ATF7IP: variants seen among roughly 807,000 people sequenced by gnomAD.
ATF7IP encodes the protein activating transcription factor 7 interacting protein.
Under a neutral mutation model 106.4 loss-of-function variants are expected in ATF7IP, and 23 were observed. The ratio of observed to expected loss-of-function variants is 0.22; its 90% CI spans 0.16 to 0.31. The LOEUF (loss-of-function observed/expected upper bound fraction) is 0.31, where lower values mean the gene tolerates loss of function less well. Ranked by LOEUF, ATF7IP falls within the 10% of genes least tolerant of loss-of-function variation. The probability of loss-of-function intolerance (pLI) is 1.00; values close to 1 mark genes in which losing one functional copy is unlikely to be tolerated. For missense variants in ATF7IP, 1,334 were observed against 1,524.3 expected (o/e 0.88, Z 2.08); for synonymous variants, 542 against 539.0 (o/e 1.01, Z -0.08).
At chr12:14,481,325 A>T (rs992032979) in intron 13 of ATF7IP, 140 bp downstream of exon 13, 3 of 709,482 alleles carry the variant, frequency 4.2e-6, no homozygotes, top group Non-Finnish European at 7.0e-6. Flanking sequence ...AGTTCAAGAG[A>T]TCTGTACTAC....
intron 10 of ATF7IP, among the ~76,000 whole-genome samples, chr12:14,471,064 T>G (rs1944023533): frequency 6.6e-6 from 1 of 152,202 alleles, no homozygotes; most frequent in Non-Finnish European, 1.5e-5. Context: ...AGTAATTTGT[T>G]TAATTTCGTA....
At chr12:14,460,396 A>G in intron 8 of ATF7IP, 99 bp from the exon 9 acceptor site, 1 of 1,176,442 alleles carries the variant, frequency 8.5e-7, no homozygotes, top group Non-Finnish European at 1.2e-6. Flanking sequence ...CAGTCTTTGC[A>G]ATGTATTACG....
chr12:14,372,881 A>T (rs1322186524), intron 1 of ATF7IP, among the ~76,000 whole-genome samples: 2 of 152,160 alleles, frequency 1.3e-5, no homozygotes, highest in African/African-American at 4.8e-5. Flanking sequence ...ACATTCTAAT[A>T]AGAAATTTGA....
intron 10 of ATF7IP, 54 bp downstream of exon 10, chr12:14,466,644 A>G (rs1943844693): frequency 1.5e-6 from 2 of 1,353,708 alleles, no homozygotes; most frequent in Non-Finnish European, 2.0e-6. Context: ...TCCACAGGAA[A>G]ATGAATTTTC....
At chr12:14,491,368 A>G (rs1360832990) in intron 13 of ATF7IP, among the ~76,000 whole-genome samples, 2 of 152,228 alleles carry the variant, frequency 1.3e-5, no homozygotes, top group African/African-American at 4.8e-5. Flanking sequence ...TCACCTTAAC[A>G]GGAATGTGTT....
chr12:14,488,049 T>C (rs575245774), intron 13 of ATF7IP, among the ~76,000 whole-genome samples: 3 of 152,078 alleles, frequency 2.0e-5, no homozygotes, highest in Admixed American at 6.6e-5. Context: ...TTTGTGGGTC[T>C]AATCATATTA....
rs1176022630 is a variant in ATF7IP at position 14,457,322 on chromosome 12, A to G, written c.2158+27A>G. The G allele has an allele frequency of 2.0e-6, 3 of 1,478,402 alleles. No homozygotes were observed. In the South Asian group the frequency reaches 3.6e-5, roughly 18 times the overall value. 91.6% of individuals were successfully genotyped at this position (1,478,402 alleles called of 1,614,324 possible). A position where few individuals can be genotyped will look rare whatever the true frequency, so the allele number is the denominator to read the frequency against. On this transcript the variant is annotated intron_variant, in intron 8 of 14. Coordinates refer to ENST00000261168, the MANE Select transcript of ATF7IP (RefSeq NM_018179.5). ...TAACTTTTTTTTTAAATACCAAAATACATTTTCTTAGGAATTAAAGGCTTT... is the reference window on the plus strand; with the variant it reads ...TAACTTTTTTTTTAAATACCAAAATGCATTTTCTTAGGAATTAAAGGCTTT...
chr12:14,496,231 G>A lies in ATF7IP; in HGVS notation c.3281G>A (p.Ser1094Asn), dbSNP rs770763118. Reference sequence around the variant, plus strand: ...CTGTAATTTTTTTGTTTGTTTGTAGGTGTTACAGTTCGAGTGCCTCAAACA... The same window carrying A: ...CTGTAATTTTTTTGTTTGTTTGTAGATGTTACAGTTCGAGTGCCTCAAACA... ...PAVRQVNPQN[S>N]VTVRVPQTTT... is the part of the protein sequence containing the mutation. Residue 1094 changes from serine to asparagine, a missense_variant and splice_region_variant, in exon 14 of 15, where the codon AGT (serine) becomes AAT (asparagine). Physicochemically the swap from Ser to Asn is conservative, Grantham distance 46. Around this residue, in one of 10 missense-constraint regions of ATF7IP, gnomAD observed 370 missense variants for 401.2 expected, o/e 0.92. Transcript: ENST00000261168. 1.3e-6 allele frequency: 2 copies of A among 1,596,320 alleles called. No homozygotes were observed. Among genetic ancestry groups the A allele is most frequent in the Middle Eastern group, 1.7e-4 (1 of 6,024 alleles).
At chr12:14,404,132 CT>C (rs11344521) in intron 1 of ATF7IP, among the ~76,000 whole-genome samples, 58,935 of 146,366 alleles carry the variant, frequency 0.4, 12,195 homozygotes, top group East Asian at 0.59. Flanking sequence ...CATTTGTAAG[CT>C]TTTTTTTTTT....
At chr12:14,477,438 A>G (rs1267253621) in intron 11 of ATF7IP, among the ~76,000 whole-genome samples, 1 of 152,226 alleles carries the variant, frequency 6.6e-6, no homozygotes, top group Non-Finnish European at 1.5e-5. Context: ...AGCCATGACT[A>G]TTATAATGGA....
Position 14,502,577 on chromosome 12 carries a change from A to C in ATF7IP, c.*4504A>C, listed in dbSNP as rs1945188669. ...TGTTTTGTAAATAAGGTAACTGGGC[A>C]ATCAAACACCTTTTGGGGATTCTGG... On this transcript the variant is annotated 3_prime_UTR_variant, in exon 15 of 15. Coordinates refer to ENST00000261168, the MANE Select transcript of ATF7IP (RefSeq NM_018179.5). 6.6e-6 allele frequency: 1 copy of C among 152,144 alleles called. No homozygotes were observed. The highest frequency in any genetic ancestry group is 1.5e-5 in the Non-Finnish European group (1 of 68,028). The allele number at this position is 152,144 out of a possible 1,614,324, so 9.4% of individuals were successfully genotyped here. A position where few individuals can be genotyped will look rare whatever the true frequency, so the allele number is the denominator to read the frequency against.
At chr12:14,448,969 G>A (rs1326335310) in intron 6 of ATF7IP, among the ~76,000 whole-genome samples, 2 of 151,994 alleles carry the variant, frequency 1.3e-5, no homozygotes, top group East Asian at 1.9e-4. Context: ...AAGTCTCTTC[G>A]GGTTCATTGC....
intron 9 of ATF7IP, among the ~76,000 whole-genome samples, chr12:14,462,732 A>G (rs1024646184): frequency 5.9e-5 from 9 of 152,016 alleles, no homozygotes; most frequent in South Asian, 2.1e-4. Context: ...TCATTTGACT[A>G]TTCTTAACTT....
intron 1 of ATF7IP, among the ~76,000 whole-genome samples, chr12:14,396,202 G>C (rs1158213183): frequency 1.3e-5 from 2 of 151,906 alleles, no homozygotes; most frequent in African/African-American, 2.4e-5. Flanking sequence ...ATTACGTCAG[G>C]CAGCTCTCTG....
At chr12:14,389,691 G>A (rs1003486540) in intron 1 of ATF7IP, among the ~76,000 whole-genome samples, 2 of 152,006 alleles carry the variant, frequency 1.3e-5, no homozygotes, top group South Asian at 2.1e-4. Context: ...GCAATGGCGC[G>A]ATCTCGGCTC....
intron 9 of ATF7IP, among the ~76,000 whole-genome samples, chr12:14,461,446 G>A (rs1943634256): frequency 1.3e-5 from 2 of 152,010 alleles, no homozygotes; most frequent in South Asian, 4.1e-4. Context: ...ACATTTGCCA[G>A]CAATATCGTT....
intron 6 of ATF7IP, among the ~76,000 whole-genome samples, chr12:14,450,857 G>GTGATGTGATCT (rs2136679805): frequency 6.6e-6 from 1 of 152,082 alleles, no homozygotes; most frequent in African/African-American, 2.4e-5. Context: ...CTGGAGTGCA[G>GTGATGTGATCT]TGATGTGATC....
chr12:14,457,156 T>C, intron 7 of ATF7IP, 51 bp from the exon 8 acceptor site: 1 of 1,451,522 alleles, frequency 6.9e-7, no homozygotes, highest in Non-Finnish European at 9.6e-7. Flanking sequence ...TCAGTTGGTA[T>C]TCCCTGAGTG....
intron 2 of ATF7IP, among the ~76,000 whole-genome samples, chr12:14,428,406 T>C (rs1393418390): frequency 2.6e-5 from 4 of 152,192 alleles, no homozygotes; most frequent in African/African-American, 4.8e-5. Flanking sequence ...AACTAAACTT[T>C]TATTTTGTAT....
Sources: allele counts gnomAD v4.1 joint callset (sites outside exome capture counted in the v4.1 genomes callset), GRCh38; gene constraint gnomAD v4.1.1; regional missense constraint gnomAD v4.1.1; transcripts MANE v1.5; gene names NCBI Gene and HGNC (gene_info 2026-07-23, HGNC 2026-07-21).